Variants in DIAPH2 observed in about 807,000 individuals in gnomAD.
DIAPH2 encodes protein diaphanous homolog 2.
A neutral mutation model predicts 92.7 loss-of-function variants in DIAPH2; 35 were observed. That is an observed-to-expected ratio of 0.38 (90% CI 0.29 to 0.50). The LOEUF (loss-of-function observed/expected upper bound fraction) is 0.50. DIAPH2 is among the 20% of genes least tolerant of loss of function. DIAPH2 has a pLI of 0.94. For synonymous variants in DIAPH2, 301 were observed against 280.4 expected (o/e 1.07, Z -0.73); for missense variants, 701 against 819.5 (o/e 0.86, Z 1.77).
At chrX:97,368,219 C>T (rs747378539) in intron 24 of DIAPH2, among the ~76,000 whole-genome samples, 11 of 112,133 alleles carry the variant, frequency 9.8e-5, no homozygotes, top group African/African-American at 1.6e-4. Context: ...ATTATTTTGA[C>T]GTGGGAAACT....
At chrX:97,145,595 A>G (rs943429166) in intron 22 of DIAPH2, among the ~76,000 whole-genome samples, 12 of 109,514 alleles carry the variant, frequency 1.1e-4, no homozygotes, top group African/African-American at 4.0e-4. Flanking sequence ...TCTCTGCTCT[A>G]TTTTGATCAT....
At chrX:97,474,313 T>C (rs781108683) in intron 26 of DIAPH2, among the ~76,000 whole-genome samples, 1 of 113,061 alleles carries the variant, frequency 8.8e-6, no homozygotes, top group South Asian at 3.6e-4. Context: ...AGAAAAATAG[T>C]AATAAAAGCA....
chrX:96,841,553 ATGTG>A (rs2064936771), intron 4 of DIAPH2, among the ~76,000 whole-genome samples: 1 of 111,480 alleles, frequency 9.0e-6, no homozygotes, highest in African/African-American at 3.3e-5. Flanking sequence ...AAATCTAATC[ATGTG>A]TTCCTTTTTG....
chrX:96,884,994 C>T (rs1227813219), intron 5 of DIAPH2: 9 of 1,207,849 alleles, frequency 7.5e-6, no homozygotes, highest in South Asian at 1.8e-5. Context: ...CTCAGCTCTG[C>T]GACCTTAGCG....
intron 25 of DIAPH2, among the ~76,000 whole-genome samples, chrX:97,412,201 G>A (rs1396119121): frequency 2.7e-5 from 3 of 111,903 alleles, no homozygotes; most frequent in East Asian, 5.6e-4. Flanking sequence ...ACAACAAACT[G>A]TCTCTCAGAC....
At chrX:96,866,445 A>G (rs2065105112) in intron 4 of DIAPH2, among the ~76,000 whole-genome samples, 1 of 111,705 alleles carries the variant, frequency 9.0e-6, no homozygotes, top group Admixed American at 9.6e-5. Context: ...CCTTAATTGT[A>G]CTAGTTGGAA....
At chrX:97,414,233 C>G (rs1457268078) in intron 25 of DIAPH2, among the ~76,000 whole-genome samples, 2 of 111,246 alleles carry the variant, frequency 1.8e-5, no homozygotes, top group Admixed American at 9.5e-5. Context: ...ATAACAGAGG[C>G]ATCAGAAATA....
intron 16 of DIAPH2, among the ~76,000 whole-genome samples, chrX:96,962,350 TAC>T (rs1438718939): frequency 4.2e-4 from 27 of 64,364 alleles, no homozygotes; most frequent in African/African-American, 8.2e-4. Context: ...TATATATATA[TAC>T]ACATATATAT....
intron 26 of DIAPH2, among the ~76,000 whole-genome samples, chrX:97,486,019 T>TA (rs59648553): frequency 0.41 from 38,155 of 92,920 alleles, 5,705 homozygotes; most frequent in East Asian, 0.58. Flanking sequence ...GTACCGAAAA[T>TA]AAAAAAAAAA....
intron 23 of DIAPH2, among the ~76,000 whole-genome samples, chrX:97,300,946 A>AAAAAAAAAAAAAAC (rs2068694890): frequency 1.7e-5 from 1 of 59,653 alleles, no homozygotes; most frequent in African/African-American, 5.8e-5. Context: ...AAAAAAAAAA[A>AAAAAAAAAAAAAAC]AAAAAAAAAA....
chrX:97,099,365 CAA>C (rs544528875), intron 19 of DIAPH2, among the ~76,000 whole-genome samples: 2 of 99,092 alleles, frequency 2.0e-5, no homozygotes, highest in South Asian at 4.4e-4. Flanking sequence ...GACTCGTCTC[CAA>C]AAAAAAAAGA....
At chrX:97,510,180 G>A (rs1216680339) in intron 26 of DIAPH2, among the ~76,000 whole-genome samples, 1 of 109,590 alleles carries the variant, frequency 9.1e-6, no homozygotes, top group Non-Finnish European at 1.9e-5. Flanking sequence ...GTTGTTTCCT[G>A]ACTTTTTAAT....
chrX:97,334,667 T>G (rs1278739177), intron 23 of DIAPH2, among the ~76,000 whole-genome samples: 1 of 104,605 alleles, frequency 9.6e-6, no homozygotes, highest in Non-Finnish European at 2.0e-5. Context: ...CACATGCTAG[T>G]TTAAAAAAAC....
At chrX:97,235,143 G>A (rs2068037979) in intron 22 of DIAPH2, among the ~76,000 whole-genome samples, 1 of 112,283 alleles carries the variant, frequency 8.9e-6, no homozygotes, top group South Asian at 3.7e-4. Context: ...TGACTTTTGA[G>A]ACCAGTTGCT....
intron 12 of DIAPH2, 42 bp from the exon 13 acceptor site, chrX:96,941,976 A>G (rs761818376): frequency 1.4e-6 from 1 of 729,647 alleles, no homozygotes; most frequent in Non-Finnish European, 2.1e-6. Context: ...ATTGATCTGC[A>G]TGGTTAGAAA....
At chrX:97,325,298 GCTT>G (rs1199299255) in intron 23 of DIAPH2, among the ~76,000 whole-genome samples, 1 of 111,573 alleles carries the variant, frequency 9.0e-6, no homozygotes. Context: ...CTGCAACTCT[GCTT>G]CTTATAGCCA....
At chrX:97,303,278 A>G (rs1419726877) in intron 23 of DIAPH2, among the ~76,000 whole-genome samples, 10 of 111,604 alleles carry the variant, frequency 9.0e-5, no homozygotes, top group Non-Finnish European at 1.7e-4. Context: ...CTGCTTCCCA[A>G]TTGTTTTTGT....
chrX:97,399,874 T>C (rs1490628974), intron 25 of DIAPH2, among the ~76,000 whole-genome samples: 1 of 112,700 alleles, frequency 8.9e-6, no homozygotes, highest in Non-Finnish European at 1.9e-5. Context: ...TCATACTGTA[T>C]ACATTTTGGT....
intron 3 of DIAPH2, among the ~76,000 whole-genome samples, chrX:96,741,308 A>G (rs1020815615): frequency 9.3e-6 from 1 of 107,841 alleles, no homozygotes; most frequent in Admixed American, 1.0e-4. Context: ...CTCACAATAT[A>G]ATTTTATTCA....
Sources: allele counts gnomAD v4.1 joint callset (sites outside exome capture counted in the v4.1 genomes callset), GRCh38; gene constraint gnomAD v4.1.1; transcripts MANE v1.5; gene names NCBI Gene and HGNC (gene_info 2026-07-23, HGNC 2026-07-21).